The following OVCH1 variants were observed in gnomAD, a reference collection of about 807,000 sequenced individuals.
OVCH1 encodes ovochymase 1, also known as ovochymase-1.
A neutral mutation model predicts 138.4 loss-of-function variants in OVCH1; 139 were observed. The observed-to-expected ratio is 1.00, with a 90% CI of 0.87 to 1.16. OVCH1 has a LOEUF of 1.16. OVCH1 is among the 50% of genes most tolerant of loss of function. The probability of loss-of-function intolerance (pLI) is 0.00; values close to 1 mark genes in which losing one functional copy is unlikely to be tolerated. For synonymous variants in OVCH1, 453 were observed against 467.8 expected (o/e 0.97, Z 0.41); for missense variants, 1,367 against 1,357.9 (o/e 1.01, Z -0.11).
intron 16 of OVCH1, among the ~76,000 whole-genome samples, chr12:29,471,151 T>G (rs1942494754): frequency 6.6e-6 from 1 of 152,206 alleles, no homozygotes; most frequent in East Asian, 1.9e-4. Flanking sequence ...AGATTCTTCC[T>G]AAACTGGATG....
intron 3 of OVCH1, among the ~76,000 whole-genome samples, chr12:29,413,021 ATTCTT>A (rs1940980876): frequency 8.2e-6 from 1 of 121,966 alleles, no homozygotes; most frequent in Non-Finnish European, 1.8e-5. Flanking sequence ...CATCCAGCTA[ATTCTT>A]TTTTTTTTTT....
rs148996239 is a variant in OVCH1, at chr12:29,433,877, C to CAA, written c.3265-66_3265-65dup. ...CAAACTGTATTTCAATTAACATGTC[C>CAA]AAAAAAAAAAGAAACAAAAGGTAAA... is the stretch of plus-strand genomic sequence containing the variant. On this transcript the variant is annotated intron_variant, in intron 26 of 27. Transcript: ENST00000318184. 3,056 of 1,126,418 alleles carry CAA rather than the reference C, an allele frequency of 2.7e-3. 1 individual carries two copies. The highest frequency in any genetic ancestry group is 3.3e-3 in the Non-Finnish European group (2,838 of 866,858). 69.8% of individuals were successfully genotyped at this position (1,126,418 alleles called of 1,614,324 possible). A position where few individuals can be genotyped will look rare whatever the true frequency, so the allele number is the denominator to read the frequency against.
intron 3 of OVCH1, among the ~76,000 whole-genome samples, chr12:29,422,430 A>C (rs1941117431): frequency 6.6e-6 from 1 of 152,204 alleles, no homozygotes; most frequent in African/African-American, 2.4e-5. Flanking sequence ...CAAGAAGGAC[A>C]TTTCACTGAA....
At chr12:29,464,454 A>G (rs1270885730) in intron 18 of OVCH1, 53 bp downstream of exon 18, 2 of 1,565,568 alleles carry the variant, frequency 1.3e-6, no homozygotes, top group South Asian at 2.3e-5. Context: ...TACATGACCT[A>G]TTTTCAAAAA....
chr12:29,434,608 GTCTC>G (rs902867637), intron 26 of OVCH1, among the ~76,000 whole-genome samples: 8 of 151,872 alleles, frequency 5.3e-5, no homozygotes, highest in Non-Finnish European at 1.2e-4. Flanking sequence ...TACAAAAAGA[GTCTC>G]TCAGAGAAAA....
At chr12:29,450,832 AG>A (rs978292535) in intron 22 of OVCH1, among the ~76,000 whole-genome samples, 80 of 152,200 alleles carry the variant, frequency 5.3e-4, no homozygotes, top group African/African-American at 1.9e-3. Context: ...TATACTATAC[AG>A]CCATAAAAAA....
At position 29,461,893 on chromosome 12, in the gene OVCH1, A is replaced by T. The variant is rs996108287; in HGVS notation, c.2241T>A (p.Cys747Ter). Residue 747 changes from cysteine (C) to a stop codon, truncating the protein, a stop_gained, in exon 19 of 28, where the codon TGT (cysteine) becomes TGA (stop). Transcript: ENST00000318184. LOFTEE classifies it high-confidence loss of function. ...TCTCTCCAGATGCTGCAAAGCCAGCACAGATCATCTTCTCTGTGATCCCTC... is the reference window on the plus strand; with the variant it reads ...TCTCTCCAGATGCTGCAAAGCCAGCTCAGATCATCTTCTCTGTGATCCCTC... 6.2e-7 allele frequency: 1 copy of T among 1,613,912 alleles called. No homozygotes were observed. Among genetic ancestry groups the T allele is most frequent in the Non-Finnish European group, 8.5e-7 (1 of 1,179,806 alleles).
At chr12:29,481,992 AT>A (rs1486492124) in intron 8 of OVCH1, among the ~76,000 whole-genome samples, 1 of 152,202 alleles carries the variant, frequency 6.6e-6, no homozygotes, top group African/African-American at 2.4e-5. Context: ...TACCTGGACT[AT>A]TGCAGTAGTT....
At chr12:29,480,763 TCTC>T (rs1236527585) in intron 8 of OVCH1, among the ~76,000 whole-genome samples, 2 of 152,190 alleles carry the variant, frequency 1.3e-5, no homozygotes, top group Admixed American at 1.3e-4. Context: ...TGTGTAACTC[TCTC>T]CTCCTTCTTT....
rs566121218 is a variant in OVCH1 at position 29,497,614 on chromosome 12, T to C, written c.64+9A>G. The C allele has an allele frequency of 6.2e-7, 1 of 1,613,664 alleles. No homozygotes were observed. Among genetic ancestry groups the C allele is most frequent in the South Asian group, 1.1e-5 (1 of 91,066 alleles). ...TCCGCAGTCCTGGTGCCCAGGTCCC[T>C]AGGCTCACCTAGGCTTCTGGGGTGG... On this transcript the variant is annotated intron_variant, in intron 1 of 27. Transcript: ENST00000318184.
chr12:29,464,432 C>T, intron 18 of OVCH1, 75 bp downstream of exon 18: 1 of 1,461,194 alleles, frequency 6.8e-7, no homozygotes, highest in Non-Finnish European at 9.4e-7. Context: ...GCGGATGCTG[C>T]TTGATATCAT....
At chr12:29,453,075 G>A (rs963472526) in intron 21 of OVCH1, among the ~76,000 whole-genome samples, 2 of 152,098 alleles carry the variant, frequency 1.3e-5, no homozygotes, top group Admixed American at 1.3e-4. Flanking sequence ...CTTATCTCAG[G>A]TCAGACCCTT....
chr12:29,422,004 C>T (rs1004992307), intron 3 of OVCH1, among the ~76,000 whole-genome samples: 2 of 151,940 alleles, frequency 1.3e-5, no homozygotes, highest in Non-Finnish European at 2.9e-5. Context: ...AATATATATG[C>T]CAAAATCATG....
intron 25 of OVCH1, 76 bp from the exon 26 acceptor site, chr12:29,440,820 G>C: frequency 2.3e-6 from 1 of 439,714 alleles, no homozygotes; most frequent in South Asian, 1.6e-5. Flanking sequence ...AAAAAAGACA[G>C]CAGTTTAGCA....
chr12:29,455,105 T>C, intron 20 of OVCH1, 144 bp downstream of exon 20: 1 of 1,162,056 alleles, frequency 8.6e-7, no homozygotes, highest in Non-Finnish European at 1.2e-6. Context: ...TTTTGCAGAA[T>C]CTTGCATTTT....
chr12:29,434,343 C>A (rs1320680367), intron 26 of OVCH1, among the ~76,000 whole-genome samples: 1 of 152,110 alleles, frequency 6.6e-6, no homozygotes, highest in Admixed American at 6.5e-5. Flanking sequence ...AAAATCTGCT[C>A]AATCTTGTAC....
chr12:29,443,378 G>A (rs1457531219), exon 25 of OVCH1: 26 of 1,608,498 alleles, frequency 1.6e-5, no homozygotes, highest in East Asian at 2.2e-5. Flanking sequence ...TTTTTTTCCT[G>A]GTCCAAATCC....
intron 27 of OVCH1, among the ~76,000 whole-genome samples, chr12:29,431,807 T>C (rs1364539793): frequency 6.6e-6 from 1 of 152,202 alleles, no homozygotes; most frequent in Non-Finnish European, 1.5e-5. Flanking sequence ...TCTATGTTTA[T>C]CTGAAAAACA....
In OVCH1 at chr12:29,468,730, T is replaced by C. The variant is rs147428903; in HGVS notation, c.1856+3072A>G. On this transcript the variant is annotated intron_variant, in intron 16 of 27. Transcript: ENST00000318184. ...AGAACCAGGTGGTACTGAATTAGCA[T>C]TGAAAATATTGTATGAACTCATGTT... Among the ~76,000 whole-genome samples, 433 of 152,298 alleles carry C rather than the reference T, an allele frequency of 2.8e-3. 5 individuals are homozygous for C. The highest frequency in any genetic ancestry group is 0.01 in the African/African-American group (419 of 41,578).
Sources: allele counts gnomAD v4.1 joint callset (sites outside exome capture counted in the v4.1 genomes callset), GRCh38; gene constraint gnomAD v4.1.1; transcripts MANE v1.5; gene names NCBI Gene and HGNC (gene_info 2026-07-23, HGNC 2026-07-21).